The following LINGO2 variants were observed in gnomAD, a reference collection of about 807,000 sequenced individuals.
The protein encoded by LINGO2 is leucine rich repeat and Ig domain containing 2, also known as leucine-rich repeat and immunoglobulin-like domain-containing nogo receptor-interacting protein 2.
Under a neutral mutation model 30.6 loss-of-function variants are expected in LINGO2, and 14 were observed. The observed-to-expected ratio is 0.46, with a 90% CI of 0.30 to 0.72. LINGO2 has a LOEUF of 0.72. Ranked by LOEUF, LINGO2 falls within the 30% of genes least tolerant of loss-of-function variation. The pLI is 0.07. For synonymous variants in LINGO2, 317 were observed against 288.5 expected (o/e 1.10, Z -1.00); for missense variants, 729 against 751.7 (o/e 0.97, Z 0.35).
intron 5 of LINGO2, among the ~76,000 whole-genome samples, chr9:27,953,302 A>G (rs1340079508): frequency 6.6e-6 from 1 of 152,228 alleles, no homozygotes; most frequent in African/African-American, 2.4e-5. Flanking sequence ...ATGTATCATT[A>G]GAAAATAAGC....
intron 2 of LINGO2, among the ~76,000 whole-genome samples, chr9:28,392,954 T>A (rs1184506984): frequency 6.6e-6 from 1 of 152,210 alleles, no homozygotes; most frequent in East Asian, 1.9e-4. Context: ...AGGGTAAGGC[T>A]ATGAATGGTG....
At chr9:28,297,342 T>G (rs1823961253) in intron 3 of LINGO2, among the ~76,000 whole-genome samples, 1 of 152,342 alleles carries the variant, frequency 6.6e-6, no homozygotes, top group African/African-American at 2.4e-5. Flanking sequence ...TTCCACTAAC[T>G]TTTGTTCATT....
intron 1 of LINGO2, among the ~76,000 whole-genome samples, chr9:28,550,701 T>A (rs1188543078): frequency 1.3e-5 from 2 of 151,776 alleles, no homozygotes; most frequent in Admixed American, 1.3e-4. Flanking sequence ...CCATTTAATA[T>A]TTTTGCTTTC....
At chr9:29,068,976 A>G in the LINGO2 span, among the ~76,000 whole-genome samples, 1 of 151,890 alleles carries the variant, frequency 6.6e-6, no homozygotes, top group African/African-American at 2.4e-5. Flanking sequence ...AAAAAGGTTC[A>G]TTGTGGACTG....
At chr9:28,456,091 T>C (rs1824835500) in intron 2 of LINGO2, among the ~76,000 whole-genome samples, 1 of 152,222 alleles carries the variant, frequency 6.6e-6, no homozygotes, top group African/African-American at 2.4e-5. Flanking sequence ...CTGTTATGGT[T>C]AGTAATTTTT....
the LINGO2 span, among the ~76,000 whole-genome samples, chr9:28,717,373 T>A: frequency 6.7e-6 from 1 of 149,202 alleles, no homozygotes; most frequent in African/African-American, 2.5e-5. Context: ...GAAGGGGGGA[T>A]TTTTAAAAAA....
chr9:28,684,337 G>A, the LINGO2 span, among the ~76,000 whole-genome samples: 1 of 147,726 alleles, frequency 6.8e-6, no homozygotes, highest in African/African-American at 2.5e-5. Flanking sequence ...ACAGGCGCCC[G>A]CCACCACGCC....
intron 2 of LINGO2, among the ~76,000 whole-genome samples, chr9:28,470,980 T>G: frequency 6.7e-6 from 1 of 148,906 alleles, no homozygotes; most frequent in Middle Eastern, 3.6e-3. Flanking sequence ...TATATATAAT[T>G]TTCTTTATAT....
the LINGO2 span, among the ~76,000 whole-genome samples, chr9:28,863,435 A>C: frequency 9.9e-5 from 15 of 152,118 alleles, no homozygotes; most frequent in Non-Finnish European, 2.1e-4. Flanking sequence ...AGGTAAAGTA[A>C]CCATAATTTC....
the LINGO2 span, among the ~76,000 whole-genome samples, chr9:28,708,096 A>T: frequency 6.6e-6 from 1 of 152,190 alleles, no homozygotes; most frequent in Non-Finnish European, 1.5e-5. Flanking sequence ...ACTAAATGGA[A>T]CTTTGAATGA....
intron 4 of LINGO2, among the ~76,000 whole-genome samples, chr9:28,046,674 A>C (rs1413035929): frequency 1.3e-5 from 2 of 151,994 alleles, no homozygotes; most frequent in Non-Finnish European, 2.9e-5. Flanking sequence ...GTAGCTCTTA[A>C]AATGTCTTAT....
At chr9:28,192,192 T>A (rs1013944508) in intron 4 of LINGO2, among the ~76,000 whole-genome samples, 2 of 152,092 alleles carry the variant, frequency 1.3e-5, no homozygotes, top group Admixed American at 6.6e-5. Context: ...ATCTCTCAAA[T>A]GTGTATGTGT....
At chr9:29,193,260 T>C in the LINGO2 span, among the ~76,000 whole-genome samples, 1 of 152,188 alleles carries the variant, frequency 6.6e-6, no homozygotes, top group African/African-American at 2.4e-5. Flanking sequence ...AAATAGTTTT[T>C]CCTTTAGGCT....
At chr9:28,835,902 T>G in the LINGO2 span, among the ~76,000 whole-genome samples, 1 of 152,222 alleles carries the variant, frequency 6.6e-6, no homozygotes, top group East Asian at 1.9e-4. Context: ...CTTTGAGTTC[T>G]CTACATCTCT....
intron 2 of LINGO2, among the ~76,000 whole-genome samples, chr9:28,454,684 G>T (rs1422974948): frequency 6.6e-6 from 1 of 151,998 alleles, no homozygotes; most frequent in African/African-American, 2.4e-5. Flanking sequence ...AGATGAAAGT[G>T]TGGGAAGCAA....
intron 3 of LINGO2, among the ~76,000 whole-genome samples, chr9:28,358,770 A>G (rs187284391): frequency 3.6e-4 from 55 of 152,278 alleles, no homozygotes; most frequent in Admixed American, 4.6e-4. Flanking sequence ...AACATTCTAC[A>G]GGTCTTATTG....
At chr9:28,205,083 G>C (rs1022965490) in intron 4 of LINGO2, among the ~76,000 whole-genome samples, 2 of 152,146 alleles carry the variant, frequency 1.3e-5, no homozygotes, top group South Asian at 2.1e-4. Context: ...ATCTACACTA[G>C]AGCCTATTCT....
At chr9:28,150,214 G>T (rs1386776887) in intron 4 of LINGO2, among the ~76,000 whole-genome samples, 1 of 152,030 alleles carries the variant, frequency 6.6e-6, no homozygotes, top group South Asian at 2.1e-4. Context: ...GAAATGAGGA[G>T]CGCCTCTGCC....
chr9:28,819,074 T>C, the LINGO2 span, among the ~76,000 whole-genome samples: 160 of 152,276 alleles, frequency 1.1e-3, no homozygotes, highest in Non-Finnish European at 1.6e-3. Context: ...TCATCATTCT[T>C]TGAGAAGCCC....
Sources: gnomAD v4.1 joint callset for allele counts (sites outside exome capture counted in the v4.1 genomes callset) on GRCh38, gnomAD v4.1.1 for gene constraint, MANE v1.5 for transcripts, NCBI Gene and HGNC (gene_info 2026-07-23, HGNC 2026-07-21) for gene names.